KIFC1: variants seen among roughly 807,000 people sequenced by gnomAD.
KIFC1 encodes kinesin-like protein KIFC1.
KIFC1 carries 37 observed loss-of-function variants against 66.6 expected under a neutral mutation model. The ratio of observed to expected loss-of-function variants is 0.56; its 90% confidence interval spans 0.43 to 0.73. KIFC1 has a LOEUF of 0.73. Among genes scored for constraint, KIFC1 ranks in the 30% least tolerant of loss-of-function variants. KIFC1 has a pLI of 0.00. For missense variants in KIFC1, 721 were observed against 859.8 expected, an observed-to-expected ratio of 0.84 and a Z score of 2.02; for synonymous variants, 325 against 343.5, an observed-to-expected ratio of 0.95 and a Z score of 0.60.
upstream of KIFC1, chr6:33,391,808 T>G: frequency 2.7e-6 from 2 of 729,576 alleles, no homozygotes; most frequent in East Asian, 5.5e-5. Context: ...GCGGTGAGAG[T>G]GGGTGGTGGC....
intron 10 of KIFC1, 89 bp from the exon 11 acceptor site, chr6:33,409,557 G>C: frequency 7.8e-7 from 1 of 1,287,598 alleles, no homozygotes. Flanking sequence ...TCTGAGGGCA[G>C]CCCTAGCATT....
chr6:33,405,680 G>C lies in KIFC1; in HGVS notation c.1536+49G>C, dbSNP rs765003152. On this transcript the variant is annotated intron_variant, in intron 7 of 10. Transcript: ENST00000428849. The surrounding 1 kb of genome is among the most constrained non-coding windows in gnomAD (Gnocchi z 5.4). Reference sequence around the variant, plus strand: ...CTGGGAAATGGGGAGGAGTGGGCAGGGTGCCACGAGATGGAGGTAGAGGGA... The same window carrying C: ...CTGGGAAATGGGGAGGAGTGGGCAGCGTGCCACGAGATGGAGGTAGAGGGA... 6.9e-7 allele frequency: 1 copy of C among 1,447,742 alleles called. No individual in the cohort carries two copies. The highest frequency in any genetic ancestry group is 9.1e-7 in the Non-Finnish European group (1 of 1,099,310). 89.7% of individuals were successfully genotyped at this position (1,447,742 alleles called of 1,614,324 possible).
rs894430818 is a variant in KIFC1, at chr6:33,404,542, A to G, written c.757-310A>G. ...AATGACTCAACTTTCACTTCTGGGC[A>G]TTCTGCATATGTGCTTCCCTCTTTC... On this transcript the variant is annotated intron_variant, in intron 6 of 10. Coordinates refer to ENST00000428849, the MANE Select transcript of KIFC1 (RefSeq NM_002263.4). The surrounding 1 kb of genome is among the most constrained non-coding windows in gnomAD (Gnocchi z 4.0). 1.3e-5 allele frequency among the ~76,000 whole-genome samples: 2 copies of G among 152,056 alleles called. No individual in the cohort carries two copies. Among genetic ancestry groups the G allele is most frequent in the Non-Finnish European group, 2.9e-5 (2 of 68,030 alleles).
intron 1 of KIFC1, among the ~76,000 whole-genome samples, chr6:33,394,547 T>C (rs974264616): frequency 6.6e-6 from 1 of 152,114 alleles, no homozygotes; most frequent in African/African-American, 2.4e-5. Flanking sequence ...AGTGGTGTGA[T>C]CTCAGCTCAC....
chr6:33,396,573 G>T (rs1775053253), intron 1 of KIFC1, among the ~76,000 whole-genome samples: 1 of 151,446 alleles, frequency 6.6e-6, no homozygotes, highest in African/African-American at 2.4e-5. Context: ...CTCCCTTGTA[G>T]CTGGGACCAC....
intron 3 of KIFC1, among the ~76,000 whole-genome samples, 173 bp downstream of exon 3, chr6:33,398,560 T>G (rs924469898): frequency 6.6e-6 from 1 of 152,140 alleles, no homozygotes; most frequent in Non-Finnish European, 1.5e-5. Context: ...TCCTCCCAGG[T>G]TCAAACGATT....
chr6:33,406,234 T>C lies in KIFC1; in HGVS notation c.1575T>C (p.Ala525=). 1 of 1,611,756 alleles carries C rather than the reference T, an allele frequency of 6.2e-7. No individual in the cohort carries two copies. The highest frequency in any genetic ancestry group is 8.5e-7 in the Non-Finnish European group (1 of 1,178,512). ...ALLHLARQNR[A]VARTAQNERS... is the part of the protein sequence containing the mutation. ...TTCATCTGGCCCGCCAGAATCGGGC[T>C]GTGGCCCGCACAGCCCAGAATGAAC... Residue 525 remains alanine (A), a synonymous_variant, in exon 8 of 11, where the codon GCT becomes GCC. Coordinates refer to ENST00000428849, the MANE Select transcript of KIFC1 (RefSeq NM_002263.4). The surrounding 1 kb of genome is among the most constrained non-coding windows in gnomAD (Gnocchi z 4.5).
chr6:33,405,706 G>T lies in KIFC1; in HGVS notation c.1536+75G>T. ...GTGCCACGAGATGGAGGTAGAGGGA[G>T]AAAGGAGCAAGAGAGAATTGAAGGA... On this transcript the variant is annotated intron_variant, in intron 7 of 10. Coordinates refer to ENST00000428849, the MANE Select transcript of KIFC1 (RefSeq NM_002263.4). The surrounding 1 kb of genome is among the most constrained non-coding windows in gnomAD (Gnocchi z 5.4). 7.4e-7 allele frequency: 1 copy of T among 1,358,770 alleles called. No homozygotes were observed. The highest frequency in any genetic ancestry group is 2.5e-5 in the East Asian group (1 of 40,006). The allele number at this position is 1,358,770 out of a possible 1,614,324, so 84.2% of individuals were successfully genotyped here. A position where few individuals can be genotyped will look rare whatever the true frequency, so the allele number is the denominator to read the frequency against.
In KIFC1 at chr6:33,401,377, G is replaced by A. The variant is rs1251083805; in HGVS notation, c.251-1937G>A. ...TCTCGATCTCCTGACCTCGTGATCCGCCCGCCTCAGCCTCCCAAAGTGCTG... is the reference window on the plus strand; with the variant it reads ...TCTCGATCTCCTGACCTCGTGATCCACCCGCCTCAGCCTCCCAAAGTGCTG... On this transcript the variant is annotated intron_variant, in intron 3 of 10. Coordinates refer to ENST00000428849, the MANE Select transcript of KIFC1 (RefSeq NM_002263.4). The surrounding 1 kb of genome is among the most constrained non-coding windows in gnomAD (Gnocchi z 4.5). Among the ~76,000 whole-genome samples the A allele has an allele frequency of 2.6e-5, 4 of 151,756 alleles. No individual in the cohort carries two copies. Among genetic ancestry groups the A allele is most frequent in the South Asian group, 4.2e-4 (2 of 4,818 alleles).
At chr6:33,402,814 C>T (rs1355164764) in intron 3 of KIFC1, among the ~76,000 whole-genome samples, 1 of 151,096 alleles carries the variant, frequency 6.6e-6, no homozygotes, top group Non-Finnish European at 1.5e-5. Flanking sequence ...ATGGTGAAAC[C>T]CCGTCTTTAC....
chr6:33,406,360 C>A lies in KIFC1; in HGVS notation c.1701C>A (p.Ala567=). The part of the protein sequence containing the change: ...CGAPLSLVDL[A]GSERLDPGLA... ...CCCCCCTCAGTCTTGTGGACCTGGC[C>A]GGGAGTGAGCGACTTGACCCCGGCT... is the stretch of plus-strand genomic sequence containing the variant. Residue 567 remains alanine (A), a synonymous_variant, in exon 8 of 11, where the codon GCC becomes GCA. Transcript: ENST00000428849. The surrounding 1 kb of genome is among the most constrained non-coding windows in gnomAD (Gnocchi z 4.5). 1 of 1,614,022 alleles carries A rather than the reference C, an allele frequency of 6.2e-7. No individual in the cohort carries two copies. The highest frequency in any genetic ancestry group is 8.5e-7 in the Non-Finnish European group (1 of 1,179,940).
At chr6:33,392,911 G>C (rs1161514224) in intron 1 of KIFC1, among the ~76,000 whole-genome samples, 1 of 152,178 alleles carries the variant, frequency 6.6e-6, no homozygotes, top group Non-Finnish European at 1.5e-5. Context: ...CAGTGAACAA[G>C]GGACAAATCG....
At position 33,403,469 on chromosome 6, in the gene KIFC1, C is replaced by A; in HGVS notation, c.305-16C>A. 2.5e-6 allele frequency: 4 copies of A among 1,613,890 alleles called. No homozygotes were observed. The highest frequency in any genetic ancestry group is 3.4e-6 in the Non-Finnish European group (4 of 1,179,754). ...ACTGGTCCTGTAATTCCTAAGTCAC[C>A]TCCTCAATTCTGTAGGGTTGAAGAA... On this transcript the variant is annotated splice_polypyrimidine_tract_variant and intron_variant, in intron 4 of 10. Transcript: ENST00000428849. This position sits in a 1 kb window ranked among gnomAD's most constrained non-coding sequence, Gnocchi z 4.6.
chr6:33,397,962 C>T, intron 1 of KIFC1, 67 bp from the exon 2 acceptor site: 1 of 1,572,238 alleles, frequency 6.4e-7, no homozygotes, highest in Non-Finnish European at 8.7e-7. Flanking sequence ...GGCTGGGGGC[C>T]AAGACAGGAA....
chr6:33,393,953 A>G, intron 1 of KIFC1, among the ~76,000 whole-genome samples: 1 of 151,670 alleles, frequency 6.6e-6, no homozygotes, highest in East Asian at 1.9e-4. Context: ...TCACCGCGTT[A>G]GCCCGGATGG....
Position 33,399,830 on chromosome 6 carries a change from G to A in KIFC1, c.250+1443G>A, listed in dbSNP as rs180793377. On this transcript the variant is annotated intron_variant, in intron 3 of 10. Coordinates refer to ENST00000428849, the MANE Select transcript of KIFC1 (RefSeq NM_002263.4). ...GAATGTGAAGGCCTAGGGCCTTACT[G>A]TACACTGCTGTAGACTTTAGAAACA... is the stretch of plus-strand genomic sequence containing the variant. Among the ~76,000 whole-genome samples the A allele has an allele frequency of 3.3e-5, 5 of 152,322 alleles. No homozygotes were observed. The South Asian group carries it at 8.3e-4, about 25-fold the overall frequency.
At position 33,397,917 on chromosome 6, in the gene KIFC1, G is replaced by A. The variant is rs930445967; in HGVS notation, c.13-112G>A. The A allele has an allele frequency of 3.4e-5, 38 of 1,110,090 alleles. No individual in the cohort carries two copies. In the East Asian group the frequency reaches 4.0e-4, roughly 12 times the overall value. The allele number at this position is 1,110,090 out of a possible 1,614,324, so 68.8% of individuals were successfully genotyped here. On this transcript the variant is annotated intron_variant, in intron 1 of 10. Coordinates refer to ENST00000428849, the MANE Select transcript of KIFC1 (RefSeq NM_002263.4). ...ACATAATTCAGCTTTTGGCACAAGT[G>A]GTGCTCAGTGCTTGGTGGTGGTGTT... is the stretch of plus-strand genomic sequence containing the variant.
rs988364757 is a variant in KIFC1 at position 33,400,560 on chromosome 6, G to A, written c.250+2173G>A. ...TGGGGTCGAACTTCGGTGGCATGGT[G>A]GAGGCAGCTGGTGTCGGATGAACCC... is the stretch of plus-strand genomic sequence containing the variant. On this transcript the variant is annotated intron_variant, in intron 3 of 10. Transcript: ENST00000428849. The surrounding 1 kb of genome is among the most constrained non-coding windows in gnomAD (Gnocchi z 4.3). 7.3e-7 allele frequency: 1 copy of A among 1,361,232 alleles called. No homozygotes were observed. The highest frequency in any genetic ancestry group is 1.0e-6 in the Non-Finnish European group (1 of 963,686). 84.3% of individuals were successfully genotyped at this position (1,361,232 alleles called of 1,614,324 possible). A position where few individuals can be genotyped will look rare whatever the true frequency, so the allele number is the denominator to read the frequency against.
In KIFC1 at chr6:33,400,656, T is replaced by C; in HGVS notation, c.250+2269T>C. 2 of 641,924 alleles carry C rather than the reference T, an allele frequency of 3.1e-6. No individual in the cohort carries two copies. The highest frequency in any genetic ancestry group is 2.6e-5 in the Admixed American group (1 of 38,098). 39.8% of individuals were successfully genotyped at this position (641,924 alleles called of 1,614,324 possible). Reference sequence around the variant, plus strand: ...CCGAAAGCCGAGAGCTTCTCTCTCTTTTTTTTTTGAGATGGAGTCTCGCTC... The same window carrying C: ...CCGAAAGCCGAGAGCTTCTCTCTCTCTTTTTTTTGAGATGGAGTCTCGCTC... On this transcript the variant is annotated intron_variant, in intron 3 of 10. Transcript: ENST00000428849. The surrounding 1 kb of genome is among the most constrained non-coding windows in gnomAD (Gnocchi z 4.3).
Sources: allele counts gnomAD v4.1 joint callset (sites outside exome capture counted in the v4.1 genomes callset), GRCh38; gene constraint gnomAD v4.1.1; non-coding constraint Gnocchi (gnomAD v3.1); transcripts MANE v1.5; gene names NCBI Gene and HGNC (gene_info 2026-07-23, HGNC 2026-07-21).